PODXL: variants seen among roughly 807,000 people sequenced by gnomAD.
PODXL encodes the protein podocalyxin like, also known as podocalyxin.
Under a neutral mutation model 48.9 loss-of-function variants are expected in PODXL, and 20 were observed. The ratio of observed to expected loss-of-function variants is 0.41; its 90% CI spans 0.29 to 0.59. PODXL has a LOEUF of 0.59. PODXL is among the 20% of genes least tolerant of loss of function. The pLI is 0.31. For missense variants in PODXL, 606 were observed against 675.1 expected (o/e 0.90, Z 1.13); for synonymous variants, 295 against 287.4 (o/e 1.03, Z -0.27).
In PODXL at chr7:131,509,494, G is replaced by C; in HGVS notation, c.894C>G (p.Pro298=). 6.2e-7 allele frequency: 1 copy of C among 1,613,570 alleles called. No individual in the cohort carries two copies. Among genetic ancestry groups the C allele is most frequent in the Non-Finnish European group, 8.5e-7 (1 of 1,179,624 alleles). ...TTCTCAATGCCGTTGCCGGGCTCGTGGGCTGCACTGTCTCCTGGGAGGAAG... is the reference window on the plus strand; with the variant it reads ...TTCTCAATGCCGTTGCCGGGCTCGTCGGCTGCACTGTCTCCTGGGAGGAAG... The part of the protein sequence containing the change: ...TAPSSQETVQ[P]TSPATALRTP... The change falls in exon 4 of 9, where the codon CCC becomes CCG. Residue 298 remains proline, a synonymous_variant. Coordinates refer to ENST00000378555, the MANE Select transcript of PODXL (RefSeq NM_001018111.3).
chr7:131,535,831 A>AGC, intron 1 of PODXL, among the ~76,000 whole-genome samples: 1 of 152,200 alleles, frequency 6.6e-6, no homozygotes, highest in Admixed American at 6.5e-5. Context: ...GCACAATCAC[A>AGC]GCTCACTGCA....
At chr7:131,541,047 A>G (rs1008130098) in intron 1 of PODXL, among the ~76,000 whole-genome samples, 8 of 152,182 alleles carry the variant, frequency 5.3e-5, no homozygotes, top group African/African-American at 1.9e-4. Context: ...CCTTCCAGGA[A>G]TAACACCTGT....
intron 1 of PODXL, among the ~76,000 whole-genome samples, chr7:131,534,206 G>T (rs1212592494): frequency 6.6e-6 from 1 of 152,178 alleles, no homozygotes; most frequent in Non-Finnish European, 1.5e-5. Context: ...TCTCAGTGAG[G>T]CATGGCTGAT....
intron 1 of PODXL, among the ~76,000 whole-genome samples, chr7:131,554,738 T>C (rs1301528125): frequency 5.9e-5 from 9 of 152,176 alleles, no homozygotes; most frequent in Non-Finnish European, 1.0e-4. Flanking sequence ...CACTAGGGAC[T>C]AACCCCTCTT....
intron 1 of PODXL, among the ~76,000 whole-genome samples, chr7:131,511,700 C>T (rs1404559435): frequency 6.6e-6 from 1 of 152,134 alleles, no homozygotes; most frequent in African/African-American, 2.4e-5. Context: ...AAGCTATCCT[C>T]CCGCCTCTGC....
chr7:131,541,177 C>T (rs762400281), intron 1 of PODXL, among the ~76,000 whole-genome samples: 46 of 152,172 alleles, frequency 3.0e-4, no homozygotes, highest in Admixed American at 6.5e-4. Context: ...GATGGTCACC[C>T]GCTTACTCTG....
intron 1 of PODXL, among the ~76,000 whole-genome samples, chr7:131,547,041 T>C (rs186520694): frequency 3.0e-4 from 45 of 152,272 alleles, no homozygotes; most frequent in Admixed American, 1.2e-3. Context: ...ACAGGGTCTG[T>C]TGACTCACAC....
chr7:131,534,039 G>A (rs955548707), intron 1 of PODXL, among the ~76,000 whole-genome samples: 4 of 139,342 alleles, frequency 2.9e-5, no homozygotes, highest in African/African-American at 1.0e-4. Context: ...GTGCAGGGGG[G>A]AAGGAAAGGC....
rs1268704595 is a variant in PODXL, at chr7:131,544,225, C to A, written c.100+12035G>T. Among the ~76,000 whole-genome samples the A allele has an allele frequency of 2.0e-5, 3 of 152,168 alleles. No homozygotes were observed. In the South Asian group the frequency reaches 6.2e-4, roughly 32 times the overall value. On this transcript the variant is annotated intron_variant, in intron 1 of 8. Coordinates refer to ENST00000378555, the MANE Select transcript of PODXL (RefSeq NM_001018111.3). ...CCAGCCCTGTGTACATGTGGCGCAC[C>A]CACACAAATACCCAGCGCTTAGCCA...
chr7:131,546,575 A>G (rs531560291), intron 1 of PODXL, among the ~76,000 whole-genome samples: 1 of 151,966 alleles, frequency 6.6e-6, no homozygotes, highest in African/African-American at 2.4e-5. Flanking sequence ...AAAATCCCAA[A>G]ATCAGCTGGG....
In PODXL at chr7:131,511,140, T is replaced by C; in HGVS notation, c.394A>G (p.Thr132Ala). ...SPKSTKSADT[T>A]TVATSTATAK... is the part of the protein sequence containing the mutation. ...GTGGCTGTGGAGGTTGCAACTGTAG[T>C]GGTGTCTGCACTTTTTGTGCTCTTG... The change falls in exon 2 of 9, where the codon ACT becomes GCT. Residue 132 changes from threonine to alanine, a missense_variant. Thr to Ala is a moderately conservative substitution (Grantham distance 58, BLOSUM62 0). Coordinates refer to ENST00000378555, the MANE Select transcript of PODXL (RefSeq NM_001018111.3). The C allele has an allele frequency of 1.2e-6, 2 of 1,613,954 alleles. No homozygotes were observed.
In PODXL at chr7:131,503,193, C is replaced by A; in HGVS notation, c.*1118G>T. ...GTTTCCTATGATATACAGGGGAAAGCCTGTCCTTCCTGGCTGCTTTAATGG... is the reference window on the plus strand; with the variant it reads ...GTTTCCTATGATATACAGGGGAAAGACTGTCCTTCCTGGCTGCTTTAATGG... On this transcript the variant is annotated 3_prime_UTR_variant, in exon 9 of 9. Transcript: ENST00000378555. The A allele has an allele frequency of 6.5e-6, 1 of 152,760 alleles. No homozygotes were observed. The highest frequency in any genetic ancestry group is 1.5e-5 in the Non-Finnish European group (1 of 68,040). 9.5% of individuals were successfully genotyped at this position (152,760 alleles called of 1,614,324 possible).
intron 5 of PODXL, among the ~76,000 whole-genome samples, chr7:131,508,712 T>C (rs977501977): frequency 3.5e-5 from 2 of 56,676 alleles, no homozygotes; most frequent in Admixed American, 2.5e-4. Context: ...AACCGGGGGG[T>C]GGGAGGGGGG....
In PODXL at chr7:131,556,578, C is replaced by T. The variant is rs1798752898; in HGVS notation, c.-219G>A. The T allele has an allele frequency of 4.8e-6, 2 of 414,176 alleles. No homozygotes were observed. The highest frequency in any genetic ancestry group is 7.7e-6 in the Non-Finnish European group (2 of 259,966). 25.7% of individuals were successfully genotyped at this position (414,176 alleles called of 1,614,324 possible). Reference sequence around the variant, plus strand: ...CGCAGAGCCAGTGGCAGAGGAGCGGCGGCGGCGGCGGCTGCGTCCTGGGCG... The same window carrying T: ...CGCAGAGCCAGTGGCAGAGGAGCGGTGGCGGCGGCGGCTGCGTCCTGGGCG... On this transcript the variant is annotated 5_prime_UTR_variant, in exon 1 of 9. Transcript: ENST00000378555.
chr7:131,525,192 A>C (rs1562910010), intron 1 of PODXL, among the ~76,000 whole-genome samples: 1 of 152,290 alleles, frequency 6.6e-6, no homozygotes, highest in East Asian at 1.9e-4. Flanking sequence ...GTACTCCAAG[A>C]ATTAACTTTA....
intron 1 of PODXL, among the ~76,000 whole-genome samples, chr7:131,515,351 G>C (rs557191838): frequency 6.6e-6 from 1 of 152,146 alleles, no homozygotes; most frequent in Non-Finnish European, 1.5e-5. Context: ...CCGAATTAGG[G>C]TGTTAACTTA....
chr7:131,511,334 G>T lies in PODXL; in HGVS notation c.200C>A (p.Pro67His). 6.2e-7 allele frequency: 1 copy of T among 1,613,010 alleles called. No individual in the cohort carries two copies. The change falls in exon 2 of 9, where the codon CCC becomes CAC. Residue 67 changes from proline (P) to histidine (H), a missense_variant. Pro to His is a moderately conservative substitution (Grantham distance 77). Transcript: ENST00000378555. ...CAAGATTTCGTTGGCCTTGGAAGTG[G>T]GGACTGTGCTCTGCTGGGCTGTATC... is the stretch of plus-strand genomic sequence containing the variant. ...ATDTAQQSTV[P>H]TSKANEILAS...
At chr7:131,541,887 C>G (rs1798489450) in intron 1 of PODXL, among the ~76,000 whole-genome samples, 1 of 152,094 alleles carries the variant, frequency 6.6e-6, no homozygotes, top group Admixed American at 6.6e-5. Flanking sequence ...GGAAGTGAAT[C>G]AAGAATCTCA....
chr7:131,550,726 A>G (rs925053812), intron 1 of PODXL, among the ~76,000 whole-genome samples: 6 of 152,154 alleles, frequency 3.9e-5, no homozygotes, highest in Non-Finnish European at 5.9e-5. Context: ...GAAAGGGCTG[A>G]GTTCTATTCT....
Sources: allele counts gnomAD v4.1 joint callset (sites outside exome capture counted in the v4.1 genomes callset), GRCh38; gene constraint gnomAD v4.1.1; transcripts MANE v1.5; gene names NCBI Gene and HGNC (gene_info 2026-07-23, HGNC 2026-07-21).